The following NBAS variants were observed in gnomAD, a reference collection of about 807,000 sequenced individuals.
The protein encoded by NBAS is NBAS subunit of NRZ tethering complex.
NBAS carries 219 observed loss-of-function variants against 302.5 expected under a neutral mutation model. The ratio of observed to expected loss-of-function variants is 0.72; its 90% CI spans 0.65 to 0.81. NBAS has a LOEUF of 0.81. NBAS is among the 30% of genes least tolerant of loss of function. The probability of loss-of-function intolerance (pLI) is 0.00; values close to 1 mark genes in which losing one functional copy is unlikely to be tolerated. For synonymous variants in NBAS, 1,118 were observed against 1,021.6 expected (o/e 1.09, Z -1.80); for missense variants, 2,932 against 2,841.6 (o/e 1.03, Z -0.72).
chr2:15,533,679 C>CGTGTGTGTGTGTGT lies in NBAS; in HGVS notation c.746+850_746+863dup, dbSNP rs59222907. 1.7e-3 allele frequency among the ~76,000 whole-genome samples: 241 copies of CGTGTGTGTGTGTGT among 144,020 alleles called. 1 individual carries two copies. The highest frequency in any genetic ancestry group is 3.5e-3 in the Middle Eastern group (1 of 284). 94.5% of individuals were successfully genotyped at this position (144,020 alleles called of 152,430 possible). A position where few individuals can be genotyped will look rare whatever the true frequency, so the allele number is the denominator to read the frequency against. On this transcript the variant is annotated intron_variant, in intron 9 of 51. Coordinates refer to ENST00000281513, the MANE Select transcript of NBAS (RefSeq NM_015909.4). ...CACAAGGAGGACTTCGGGGGGTGTG[C>CGTGTGTGTGTGTGT]GTGTGTGTGTGTGTGTGTGTGTGTG...
chr2:15,139,376 G>A, the NBAS span, among the ~76,000 whole-genome samples: 23 of 152,258 alleles, frequency 1.5e-4, no homozygotes, highest in Middle Eastern at 0.01. Context: ...TTGTCTTCCA[G>A]GAAGCTTGGA....
At chr2:15,409,492 G>A (rs1676578947) in intron 25 of NBAS, among the ~76,000 whole-genome samples, 1 of 152,152 alleles carries the variant, frequency 6.6e-6, no homozygotes, top group African/African-American at 2.4e-5. Flanking sequence ...TAACAATCCA[G>A]AAAATTTCTT....
the NBAS span, among the ~76,000 whole-genome samples, chr2:14,898,776 T>C: frequency 0.61 from 92,713 of 152,100 alleles, 30,597 homozygotes; most frequent in African/African-American, 0.88. Flanking sequence ...TCCCCAGCCA[T>C]GTGGAACTGT....
At chr2:14,888,458 T>TC in the NBAS span, among the ~76,000 whole-genome samples, 2 of 151,790 alleles carry the variant, frequency 1.3e-5, no homozygotes, top group African/African-American at 4.8e-5. Context: ...GCCCCCCCTT[T>TC]TTTTTTTATT....
At chr2:15,468,031 T>C (rs1017215463) in intron 17 of NBAS, among the ~76,000 whole-genome samples, 2 of 152,070 alleles carry the variant, frequency 1.3e-5, no homozygotes, top group African/African-American at 4.8e-5. Flanking sequence ...ATCAAGAAAA[T>C]GAAAACTATT....
chr2:15,074,123 T>C, the NBAS span, among the ~76,000 whole-genome samples: 2 of 152,150 alleles, frequency 1.3e-5, no homozygotes, highest in Non-Finnish European at 2.9e-5. Flanking sequence ...AGCAACAGAA[T>C]AGCTCCAAAA....
chr2:15,096,902 G>A, the NBAS span, among the ~76,000 whole-genome samples: 1 of 152,236 alleles, frequency 6.6e-6, no homozygotes, highest in African/African-American at 2.4e-5. Context: ...GTTTATGCAA[G>A]AGAGGAAACA....
intron 44 of NBAS, among the ~76,000 whole-genome samples, chr2:15,260,442 A>T (rs546902239): frequency 6.6e-6 from 1 of 152,328 alleles, no homozygotes; most frequent in Non-Finnish European, 1.5e-5. Context: ...TTCCTGGTTA[A>T]TTCTAATAGC....
At chr2:15,108,785 G>T in the NBAS span, among the ~76,000 whole-genome samples, 1 of 152,276 alleles carries the variant, frequency 6.6e-6, no homozygotes, top group African/African-American at 2.4e-5. Context: ...TAGGGAGATA[G>T]TCTTTTTTTT....
intron 11 of NBAS, among the ~76,000 whole-genome samples, chr2:15,491,880 G>A (rs1005619735): frequency 6.6e-6 from 1 of 152,074 alleles, no homozygotes; most frequent in African/African-American, 2.4e-5. Flanking sequence ...TTTGTGATAG[G>A]AGCCTCATCT....
the NBAS span, among the ~76,000 whole-genome samples, chr2:15,117,617 C>T: frequency 6.6e-6 from 1 of 152,200 alleles, no homozygotes; most frequent in African/African-American, 2.4e-5. Flanking sequence ...TTCTCAGAGC[C>T]TTTGGTGGCA....
the NBAS span, among the ~76,000 whole-genome samples, chr2:14,917,651 T>C: frequency 6.6e-6 from 1 of 152,198 alleles, no homozygotes; most frequent in African/African-American, 2.4e-5. Context: ...GGTTATATAG[T>C]GGGGACACCA....
At chr2:15,087,976 TG>T in the NBAS span, among the ~76,000 whole-genome samples, 1 of 152,188 alleles carries the variant, frequency 6.6e-6, no homozygotes, top group Non-Finnish European at 1.5e-5. Flanking sequence ...ACAGGCAGCA[TG>T]GGCCAGAACA....
At chr2:15,189,073 C>T (rs1665221035) in intron 49 of NBAS, among the ~76,000 whole-genome samples, 1 of 152,102 alleles carries the variant, frequency 6.6e-6, no homozygotes, top group African/African-American at 2.4e-5. Context: ...CCGAAGGCAC[C>T]CACACCAAGA....
At chr2:15,200,948 CA>C in intron 48 of NBAS, among the ~76,000 whole-genome samples, 1 of 152,174 alleles carries the variant, frequency 6.6e-6, no homozygotes, top group Non-Finnish European at 1.5e-5. Flanking sequence ...TAGAAATTTA[CA>C]AATATGATGT....
Position 15,317,180 on chromosome 2 carries a change from C to T in NBAS, c.4583-7933G>A, listed in dbSNP as rs142760416. ...ACCTGACTCTTAGAAGGAAAACTAA[C>T]AAACAGAAAGGAATCGCATCAACAT... On this transcript the variant is annotated intron_variant, in intron 38 of 51. Coordinates refer to ENST00000281513, the MANE Select transcript of NBAS (RefSeq NM_015909.4). Among the ~76,000 whole-genome samples the T allele has an allele frequency of 8.5e-4, 129 of 152,294 alleles. 3 individuals are homozygous for T. In the East Asian group the frequency reaches 0.022, roughly 26 times the overall value.
intron 41 of NBAS, among the ~76,000 whole-genome samples, chr2:15,288,334 A>G (rs960257500): frequency 3.3e-5 from 5 of 152,206 alleles, no homozygotes; most frequent in Non-Finnish European, 7.3e-5. Context: ...GCTAAAAGAG[A>G]AGACCATGAA....
intron 21 of NBAS, among the ~76,000 whole-genome samples, chr2:15,437,567 G>A (rs1678092643): frequency 6.6e-6 from 1 of 152,182 alleles, no homozygotes; most frequent in Admixed American, 6.5e-5. Context: ...AGACAATGGT[G>A]TAGCTATCTG....
At chr2:15,351,772 G>A (rs902815705) in intron 35 of NBAS, among the ~76,000 whole-genome samples, 6 of 151,978 alleles carry the variant, frequency 3.9e-5, no homozygotes, top group African/African-American at 1.4e-4. Context: ...TTGTCTTTAT[G>A]ATAATTTATT....
Sources: gnomAD v4.1 joint callset for allele counts (sites outside exome capture counted in the v4.1 genomes callset) on GRCh38, gnomAD v4.1.1 for gene constraint, MANE v1.5 for transcripts, NCBI Gene and HGNC (gene_info 2026-07-23, HGNC 2026-07-21) for gene names.